LINGO2: variants seen among roughly 807,000 people sequenced by gnomAD.
The protein encoded by LINGO2 is leucine-rich repeat and immunoglobulin-like domain-containing nogo receptor-interacting protein 2.
In LINGO2, 14 loss-of-function variants were observed where a neutral mutation model predicts 30.6. The ratio of observed to expected loss-of-function variants is 0.46; its 90% CI spans 0.30 to 0.72. LINGO2 has a LOEUF of 0.72. Ranked by LOEUF, LINGO2 falls within the 30% of genes least tolerant of loss-of-function variation. The pLI, the probability that LINGO2 is intolerant of heterozygous loss-of-function variation, is 0.07. For missense variants in LINGO2, 729 were observed against 751.7 expected (o/e 0.97, Z 0.35); for synonymous variants, 317 against 288.5 (o/e 1.10, Z -1.00).
chr9:28,551,417 G>C (rs1822274635), intron 1 of LINGO2, among the ~76,000 whole-genome samples: 1 of 151,676 alleles, frequency 6.6e-6, no homozygotes, highest in South Asian at 2.1e-4. Flanking sequence ...TATAAAGTTA[G>C]AAAAAAGGAA....
intron 3 of LINGO2, among the ~76,000 whole-genome samples, chr9:28,314,090 T>A (rs1458783576): frequency 6.6e-6 from 1 of 152,022 alleles, no homozygotes; most frequent in Non-Finnish European, 1.5e-5. Context: ...GCCCACCACC[T>A]CGCCCGGCTA....
the LINGO2 span, among the ~76,000 whole-genome samples, chr9:28,890,421 T>C: frequency 6.6e-6 from 1 of 152,050 alleles, no homozygotes; most frequent in South Asian, 2.1e-4. Context: ...CATGGAGACC[T>C]GATCAAAGGG....
chr9:28,964,913 G>T, the LINGO2 span, among the ~76,000 whole-genome samples: 78,496 of 151,552 alleles, frequency 0.52, 21,462 homozygotes, highest in Non-Finnish European at 0.6. Context: ...TATTTCCTGT[G>T]CAGTTTCAGA....
the LINGO2 span, among the ~76,000 whole-genome samples, chr9:28,984,112 A>G: frequency 1.3e-5 from 2 of 152,100 alleles, no homozygotes; most frequent in Non-Finnish European, 2.9e-5. Context: ...CCTCCCAAAG[A>G]ATTTCTCAGT....
chr9:28,426,362 C>G lies in LINGO2; in HGVS notation c.-279+49578G>C, dbSNP rs529280349. ...GGACGTGTAATTCCAGAACTAATCT[C>G]ATATATCTGAAAAAGAAGTAACATT... On this transcript the variant is annotated intron_variant, in intron 2 of 5. Coordinates refer to ENST00000379992, the Ensembl canonical transcript of LINGO2. Among the ~76,000 whole-genome samples the G allele has an allele frequency of 6.6e-5, 10 of 152,090 alleles. No homozygotes were observed. The East Asian group carries it at 7.7e-4, about 12-fold the overall frequency.
At chr9:27,991,972 G>A (rs541461712) in intron 5 of LINGO2, among the ~76,000 whole-genome samples, 48 of 151,960 alleles carry the variant, frequency 3.2e-4, no homozygotes, top group African/African-American at 9.7e-4. Context: ...CACCAATATC[G>A]TACACTCATT....
At chr9:28,196,023 T>A (rs1300331119) in intron 4 of LINGO2, among the ~76,000 whole-genome samples, 1 of 151,576 alleles carries the variant, frequency 6.6e-6, no homozygotes, top group African/African-American at 2.4e-5. Context: ...ACTATATTAA[T>A]AAATCAATAT....
chr9:28,890,537 A>G, the LINGO2 span, among the ~76,000 whole-genome samples: 1 of 152,044 alleles, frequency 6.6e-6, no homozygotes, highest in South Asian at 2.1e-4. Context: ...GTTTCTCCAA[A>G]TGGACCCAGA....
intron 4 of LINGO2, among the ~76,000 whole-genome samples, chr9:28,067,476 T>C (rs1189216948): frequency 6.6e-6 from 1 of 152,098 alleles, no homozygotes; most frequent in African/African-American, 2.4e-5. Flanking sequence ...AATGGAAGAG[T>C]TCCATATCTG....
exon 6 of LINGO2, chr9:27,949,137 T>C (rs1823493331): frequency 2.5e-6 from 4 of 1,614,008 alleles, no homozygotes; most frequent in Non-Finnish European, 1.7e-6. Flanking sequence ...AGGGGTCCTG[T>C]TCGCATAAAG....
At chr9:28,838,539 A>G in the LINGO2 span, among the ~76,000 whole-genome samples, 1 of 152,214 alleles carries the variant, frequency 6.6e-6, no homozygotes, top group Admixed American at 6.5e-5. Flanking sequence ...GTTGGTTTAC[A>G]CAATCTTCCC....
At chr9:28,967,537 G>C in the LINGO2 span, among the ~76,000 whole-genome samples, 1 of 152,128 alleles carries the variant, frequency 6.6e-6, no homozygotes, top group African/African-American at 2.4e-5. Flanking sequence ...CTTTTAGAGA[G>C]AGAAGCTAGT....
intron 4 of LINGO2, among the ~76,000 whole-genome samples, chr9:28,038,692 CAAAAAAAA>C: frequency 8.4e-6 from 1 of 118,866 alleles, no homozygotes; most frequent in South Asian, 2.7e-4. Flanking sequence ...GACTCCGTCT[CAAAAAAAA>C]AAAAAAAAGC....
rs568458798 is a variant in LINGO2 at position 28,536,922 on chromosome 9, C to T, written c.-364-60897G>A. On this transcript the variant is annotated intron_variant, in intron 1 of 5. Coordinates refer to ENST00000379992, the Ensembl canonical transcript of LINGO2. ...TCTTAACCCTAAGCACCACATTATA[C>T]GAGCTTATTTGAAAATAGGATTGTT... Among the ~76,000 whole-genome samples, 25 of 152,078 alleles carry T rather than the reference C, an allele frequency of 1.6e-4. No individual in the cohort carries two copies. The South Asian group carries it at 2.7e-3, about 16-fold the overall frequency.
intron 4 of LINGO2, among the ~76,000 whole-genome samples, chr9:28,087,197 T>G (rs144415056): frequency 2.6e-5 from 4 of 152,152 alleles, no homozygotes; most frequent in Non-Finnish European, 4.4e-5. Context: ...CATATGATAC[T>G]CCAGCAGAGA....
rs142124325 is a variant in LINGO2, at chr9:28,038,841, G to T, written c.-86-26436C>A. Among the ~76,000 whole-genome samples, 742 of 152,226 alleles carry T rather than the reference G, an allele frequency of 4.9e-3. 7 individuals carry two copies. Among genetic ancestry groups the T allele is most frequent in the African/African-American group, 0.016 (678 of 41,538 alleles). ...ATTTTTCAGATACTGAAGAATATTC[G>T]CAAACCACAGCAATATTTTTAAAAT... is the stretch of plus-strand genomic sequence containing the variant. On this transcript the variant is annotated intron_variant, in intron 4 of 5. Transcript: ENST00000379992.
intron 4 of LINGO2, among the ~76,000 whole-genome samples, chr9:28,154,982 T>C (rs1408750928): frequency 6.6e-6 from 1 of 152,226 alleles, no homozygotes; most frequent in Non-Finnish European, 1.5e-5. Flanking sequence ...CAACTGCTGT[T>C]GAATTTTAAT....
At chr9:28,005,583 CTTTTT>C (rs1378981005) in intron 5 of LINGO2, among the ~76,000 whole-genome samples, 2 of 149,508 alleles carry the variant, frequency 1.3e-5, no homozygotes, top group Admixed American at 6.6e-5. Context: ...TCAATCTTTT[CTTTTT>C]AAGTTTAAAG....
At chr9:28,576,371 A>C (rs1823991714) in intron 1 of LINGO2, among the ~76,000 whole-genome samples, 1 of 152,200 alleles carries the variant, frequency 6.6e-6, no homozygotes, top group Non-Finnish European at 1.5e-5. Context: ...AAACTAAAAA[A>C]ATCACAAATA....
Sources: gnomAD v4.1 joint callset for allele counts (sites outside exome capture counted in the v4.1 genomes callset) on GRCh38, gnomAD v4.1.1 for gene constraint, MANE v1.5 for transcripts, NCBI Gene and HGNC (gene_info 2026-07-23, HGNC 2026-07-21) for gene names.